The following EPB41L2 variants were observed in gnomAD, a reference collection of about 807,000 sequenced individuals.
The protein encoded by EPB41L2 is erythrocyte membrane protein band 4.1 like 2.
In EPB41L2, 43 loss-of-function variants were observed where a neutral mutation model predicts 113.0. The observed-to-expected ratio is 0.38, with a 90% confidence interval of 0.30 to 0.49. The LOEUF (loss-of-function observed/expected upper bound fraction) is 0.49. Ranked by LOEUF, EPB41L2 falls within the 20% of genes least tolerant of loss-of-function variation. The pLI is 0.95. For missense variants in EPB41L2, 1,147 were observed against 1,223.4 expected, an observed-to-expected ratio of 0.94 and a Z score of 0.93; for synonymous variants, 442 against 436.7, an observed-to-expected ratio of 1.01 and a Z score of -0.15.
intron 1 of EPB41L2, among the ~76,000 whole-genome samples, chr6:130,965,453 CCTT>C (rs1166410143): frequency 6.6e-6 from 1 of 152,034 alleles, no homozygotes; most frequent in Non-Finnish European, 1.5e-5. Context: ...GACTAATTCT[CCTT>C]CTCAATTTTA....
chr6:130,872,274 T>C (rs1562353259), intron 14 of EPB41L2: 1 of 925,808 alleles, frequency 1.1e-6, no homozygotes, highest in East Asian at 7.2e-5. Context: ...ATTTCACCAA[T>C]GAAAGCACTG....
intron 1 of EPB41L2, among the ~76,000 whole-genome samples, chr6:131,033,314 G>A (rs1489971547): frequency 6.6e-6 from 1 of 152,304 alleles, no homozygotes; most frequent in East Asian, 1.9e-4. Context: ...CAAGGAGGTA[G>A]AGGAAATAAA....
chr6:131,062,241 T>G (rs75658422), intron 1 of EPB41L2: 1 of 151,510 alleles, frequency 6.6e-6, no homozygotes, highest in East Asian at 1.9e-4. Flanking sequence ...GTGAGCGATC[T>G]AGAGAAGCAT....
intron 1 of EPB41L2, among the ~76,000 whole-genome samples, chr6:130,996,611 T>C (rs1200331902): frequency 6.6e-6 from 1 of 152,236 alleles, no homozygotes; most frequent in East Asian, 1.9e-4. Context: ...AATGAATGAA[T>C]GCCCTATAGA....
intron 1 of EPB41L2, among the ~76,000 whole-genome samples, chr6:130,961,363 C>T (rs952278600): frequency 3.9e-5 from 6 of 152,192 alleles, no homozygotes; most frequent in African/African-American, 1.4e-4. Context: ...CATCATTTAA[C>T]ATGCAATGAA....
At chr6:130,896,345 G>C (rs1471384312) in intron 8 of EPB41L2, among the ~76,000 whole-genome samples, 1 of 152,188 alleles carries the variant, frequency 6.6e-6, no homozygotes, top group Non-Finnish European at 1.5e-5. Flanking sequence ...ACTCTCTCTA[G>C]GAATAGACTA....
At chr6:131,025,773 C>T (rs1790731780) in intron 1 of EPB41L2, among the ~76,000 whole-genome samples, 1 of 152,174 alleles carries the variant, frequency 6.6e-6, no homozygotes, top group Admixed American at 6.6e-5. Flanking sequence ...ACCGTACAAG[C>T]AGCAAAGCAA....
intron 1 of EPB41L2, among the ~76,000 whole-genome samples, chr6:130,971,532 C>A (rs770806813): frequency 2.0e-5 from 3 of 152,178 alleles, no homozygotes; most frequent in African/African-American, 7.2e-5. Flanking sequence ...ATCACCAAGC[C>A]GGCTACTAAG....
chr6:130,920,846 A>C (rs867464224), intron 4 of EPB41L2, among the ~76,000 whole-genome samples: 2 of 151,802 alleles, frequency 1.3e-5, no homozygotes, highest in African/African-American at 2.4e-5. Context: ...TTCATCCTTC[A>C]CCTACTCCCT....
At chr6:131,019,383 C>T (rs1312731139) in intron 1 of EPB41L2, among the ~76,000 whole-genome samples, 1 of 152,108 alleles carries the variant, frequency 6.6e-6, no homozygotes, top group Non-Finnish European at 1.5e-5. Context: ...AATTTTGATT[C>T]CTCCTTTCCA....
intron 16 of EPB41L2, among the ~76,000 whole-genome samples, chr6:130,866,241 T>C (rs1361290786): frequency 1.3e-5 from 2 of 152,258 alleles, no homozygotes; most frequent in African/African-American, 4.8e-5. Flanking sequence ...ATCCCATACA[T>C]ATGTTAAAAT....
At chr6:131,046,369 T>C (rs1795461106) in intron 1 of EPB41L2, among the ~76,000 whole-genome samples, 2 of 152,174 alleles carry the variant, frequency 1.3e-5, no homozygotes, top group African/African-American at 2.4e-5. Flanking sequence ...TTGACCACCG[T>C]CACACTTAAC....
intron 19 of EPB41L2, among the ~76,000 whole-genome samples, chr6:130,844,811 G>A (rs4897469): frequency 0.3 from 46,241 of 152,074 alleles, 8,087 homozygotes; most frequent in East Asian, 0.45. Flanking sequence ...GGGAGGTCGA[G>A]AAGGGCAGAT....
intron 1 of EPB41L2, among the ~76,000 whole-genome samples, chr6:131,002,711 T>G (rs1230746413): frequency 1.3e-5 from 2 of 152,312 alleles, no homozygotes; most frequent in East Asian, 3.9e-4. Flanking sequence ...TAACCTCTAT[T>G]TCTTTCAGGT....
chr6:130,967,465 C>G (rs1350206450), intron 1 of EPB41L2, among the ~76,000 whole-genome samples: 1 of 149,542 alleles, frequency 6.7e-6, no homozygotes, highest in East Asian at 1.9e-4. Flanking sequence ...GGTGCATATG[C>G]AGGCAGCGTA....
At chr6:130,973,933 A>G (rs982032374) in intron 1 of EPB41L2, among the ~76,000 whole-genome samples, 7 of 152,178 alleles carry the variant, frequency 4.6e-5, no homozygotes, top group African/African-American at 1.7e-4. Flanking sequence ...CAGAAATGTG[A>G]AAACTTCTAA....
chr6:130,891,527 C>G (rs911524810), intron 10 of EPB41L2, among the ~76,000 whole-genome samples: 8 of 152,298 alleles, frequency 5.3e-5, no homozygotes, highest in Non-Finnish European at 1.0e-4. Flanking sequence ...CGGCTCACTG[C>G]AACCTCCGCC....
chr6:131,021,684 A>G (rs1789531837), intron 1 of EPB41L2, among the ~76,000 whole-genome samples: 1 of 152,130 alleles, frequency 6.6e-6, no homozygotes, highest in African/African-American at 2.4e-5. Flanking sequence ...AGTAATACAA[A>G]CAATAATAGC....
intron 19 of EPB41L2, among the ~76,000 whole-genome samples, chr6:130,848,042 G>C (rs1387474761): frequency 2.6e-5 from 4 of 152,004 alleles, no homozygotes; most frequent in Non-Finnish European, 5.9e-5. Flanking sequence ...AAGGTTAGTG[G>C]GAATCAAAAG....
Sources: gnomAD v4.1 joint callset for allele counts (sites outside exome capture counted in the v4.1 genomes callset) on GRCh38, gnomAD v4.1.1 for gene constraint, MANE v1.5 for transcripts, NCBI Gene and HGNC (gene_info 2026-07-23, HGNC 2026-07-21) for gene names.